ARHGEF3: variants seen among roughly 807,000 people sequenced by gnomAD.
ARHGEF3 encodes 59.8 kDA protein.
In ARHGEF3, 28 loss-of-function variants were observed where a neutral mutation model predicts 63.2. That is an observed-to-expected ratio of 0.44 (90% CI 0.33 to 0.61). The LOEUF (loss-of-function observed/expected upper bound fraction) is 0.61. Ranked by LOEUF, ARHGEF3 falls within the 20% of genes least tolerant of loss-of-function variation. The pLI is 0.03. For synonymous variants in ARHGEF3, 266 were observed against 254.2 expected (o/e 1.05, Z -0.44); for missense variants, 533 against 659.3 (o/e 0.81, Z 2.10).
chr3:56,740,838 C>T (rs1364645710), intron 7 of ARHGEF3, among the ~76,000 whole-genome samples: 1 of 152,198 alleles, frequency 6.6e-6, no homozygotes, highest in Non-Finnish European at 1.5e-5. Flanking sequence ...TCTGAGTTGC[C>T]TGCAAATATC....
intron 4 of ARHGEF3, among the ~76,000 whole-genome samples, chr3:56,827,728 C>T (rs189228365): frequency 2.1e-5 from 2 of 96,176 alleles, no homozygotes; most frequent in African/African-American, 8.3e-5. Flanking sequence ...CCAGCCTGGG[C>T]AACGTGGCAA....
At chr3:56,854,721 G>T (rs879728375) in intron 4 of ARHGEF3, among the ~76,000 whole-genome samples, 3 of 142,062 alleles carry the variant, frequency 2.1e-5, no homozygotes, top group Admixed American at 7.4e-5. Flanking sequence ...CCAGCTTCTG[G>T]CTTTGGCAAC....
chr3:56,747,881 T>A (rs144672747), intron 6 of ARHGEF3, among the ~76,000 whole-genome samples: 1 of 152,304 alleles, frequency 6.6e-6, no homozygotes, highest in African/African-American at 2.4e-5. Flanking sequence ...CTCACACAGC[T>A]GTCAGTGACT....
chr3:56,959,715 C>T (rs898053064), intron 2 of ARHGEF3, among the ~76,000 whole-genome samples: 2 of 152,102 alleles, frequency 1.3e-5, no homozygotes, highest in African/African-American at 4.8e-5. Context: ...CGGTGGCTCA[C>T]GTCTGTAATC....
chr3:56,730,970 TC>T (rs1431915933), intron 9 of ARHGEF3, among the ~76,000 whole-genome samples: 2 of 152,216 alleles, frequency 1.3e-5, no homozygotes, highest in Non-Finnish European at 2.9e-5. Context: ...TATCTTAGTT[TC>T]TAACTTGTAA....
At chr3:56,775,782 ACACACACACACGCGCAAG>A in intron 1 of ARHGEF3, 4 of 443,522 alleles carry the variant, frequency 9.0e-6, no homozygotes, top group Non-Finnish European at 8.5e-6. Context: ...CTGAATACAC[ACACACACACACGCGCAAG>A]CACACACACA....
intron 1 of ARHGEF3, among the ~76,000 whole-genome samples, chr3:57,039,836 G>C (rs1052026346): frequency 2.0e-5 from 3 of 152,194 alleles, no homozygotes; most frequent in African/African-American, 7.2e-5. Flanking sequence ...GCCCCTCAAG[G>C]ATGATCTCCC....
At chr3:56,986,613 G>A (rs1261884460) in intron 2 of ARHGEF3, among the ~76,000 whole-genome samples, 1 of 152,136 alleles carries the variant, frequency 6.6e-6, no homozygotes, top group Non-Finnish European at 1.5e-5. Flanking sequence ...CCAGGAGGAG[G>A]CGGAGCCAGG....
At chr3:56,841,721 T>G (rs1374803772) in intron 4 of ARHGEF3, among the ~76,000 whole-genome samples, 2 of 152,126 alleles carry the variant, frequency 1.3e-5, no homozygotes, top group East Asian at 3.9e-4. Context: ...ATTCCATGCT[T>G]TACCTTTTTC....
chr3:57,016,312 G>A (rs1019421184), intron 2 of ARHGEF3, among the ~76,000 whole-genome samples: 2 of 151,834 alleles, frequency 1.3e-5, no homozygotes, highest in Admixed American at 6.6e-5. Context: ...GGGAGGCCTC[G>A]GTGGGAGGAT....
intron 2 of ARHGEF3, among the ~76,000 whole-genome samples, chr3:57,027,819 A>G (rs1200450869): frequency 6.6e-6 from 1 of 152,122 alleles, no homozygotes; most frequent in African/African-American, 2.4e-5. Context: ...AGATCACGCC[A>G]TTGCACTCCA....
At chr3:56,926,183 T>C (rs2042270442) in intron 3 of ARHGEF3, among the ~76,000 whole-genome samples, 1 of 151,994 alleles carries the variant, frequency 6.6e-6, no homozygotes, top group Admixed American at 6.6e-5. Context: ...CAGTGATGTA[T>C]AGGAGTTGCC....
chr3:56,980,056 G>C (rs1253301932), intron 2 of ARHGEF3, among the ~76,000 whole-genome samples: 1 of 152,144 alleles, frequency 6.6e-6, no homozygotes, highest in African/African-American at 2.4e-5. Flanking sequence ...TGTGAATTGA[G>C]AATGATGATG....
intron 3 of ARHGEF3, among the ~76,000 whole-genome samples, chr3:56,895,340 CAG>C (rs940634613): frequency 6.6e-6 from 1 of 152,154 alleles, no homozygotes; most frequent in African/African-American, 2.4e-5. Flanking sequence ...TCTAGCTGGG[CAG>C]AGAGAGGGGC....
At chr3:56,918,495 G>A (rs928345987) in intron 3 of ARHGEF3, among the ~76,000 whole-genome samples, 1 of 152,202 alleles carries the variant, frequency 6.6e-6, no homozygotes, top group African/African-American at 2.4e-5. Flanking sequence ...GAAACTTGAG[G>A]GGCTCCAGGG....
Position 56,754,968 on chromosome 3 carries a change from G to T in ARHGEF3, c.375+13C>A, listed in dbSNP as rs774073052. Reference sequence around the variant, plus strand: ...TCCAGACACACAGCCAGCTCCATGGGCCCCGAGCCTACCTCCTGACGTTTG... The same window carrying T: ...TCCAGACACACAGCCAGCTCCATGGTCCCCGAGCCTACCTCCTGACGTTTG... On this transcript the variant is annotated intron_variant, in intron 3 of 9. Coordinates refer to ENST00000296315, the MANE Select transcript of ARHGEF3 (RefSeq NM_019555.3). The T allele has an allele frequency of 6.2e-7, 1 of 1,614,070 alleles. No homozygotes were observed. Among genetic ancestry groups the T allele is most frequent in the East Asian group, 2.2e-5 (1 of 44,878 alleles).
rs936720841 is a variant in ARHGEF3 at position 56,755,032 on chromosome 3, G to A, written c.324C>T (p.Phe108=). ...TAAGCATCTGATTGACGCACACATC[G>A]AAGGTCTCACTCCACAGCTTGCTAT... ...RRDSKLWSET[F]DVCVNQMLTS... is the part of the protein sequence containing the mutation. Residue 108 remains phenylalanine (F), a synonymous_variant, in exon 3 of 10, where the codon TTC becomes TTT. Coordinates refer to ENST00000296315, the MANE Select transcript of ARHGEF3 (RefSeq NM_019555.3). The A allele has an allele frequency of 3.7e-6, 6 of 1,613,978 alleles. No individual in the cohort carries two copies. The African/African-American group carries it at 5.3e-5, about 14-fold the overall frequency.
chr3:56,914,248 T>C (rs984202262), intron 3 of ARHGEF3, among the ~76,000 whole-genome samples: 1 of 152,128 alleles, frequency 6.6e-6, no homozygotes, highest in African/African-American at 2.4e-5. Flanking sequence ...TGTAACCAAA[T>C]ACTAGCTGTA....
chr3:56,918,333 G>A (rs2042036896), intron 3 of ARHGEF3, among the ~76,000 whole-genome samples: 1 of 152,230 alleles, frequency 6.6e-6, no homozygotes, highest in African/African-American at 2.4e-5. Context: ...AATGTGAGAC[G>A]ACCAGGGCAT....
Sources: gnomAD v4.1 joint callset for allele counts (sites outside exome capture counted in the v4.1 genomes callset) on GRCh38, gnomAD v4.1.1 for gene constraint, MANE v1.5 for transcripts, NCBI Gene and HGNC (gene_info 2026-07-23, HGNC 2026-07-21) for gene names.